PSPH: variants seen among roughly 807,000 people sequenced by gnomAD.
The protein encoded by PSPH is L-3-phosphoserine phosphatase.
PSPH carries 16 observed loss-of-function variants against 23.4 expected under a neutral mutation model. The observed-to-expected ratio is 0.68, with a 90% CI of 0.46 to 1.04. The LOEUF (loss-of-function observed/expected upper bound fraction) is 1.04, where lower values mean the gene tolerates loss of function less well. Among genes scored for constraint, PSPH ranks in the 50% least tolerant of loss-of-function variants. The pLI, the probability that PSPH is intolerant of heterozygous loss-of-function variation, is 0.00. For synonymous variants in PSPH, 68 were observed against 99.7 expected (o/e 0.68, Z 1.89); for missense variants, 223 against 273.7 (o/e 0.81, Z 1.31).
intron 1 of PSPH, among the ~76,000 whole-genome samples, chr7:56,048,601 G>A (rs1793558108): frequency 6.6e-6 from 1 of 152,070 alleles, no homozygotes. Flanking sequence ...GGATCTGTGG[G>A]TAGAGTATGG....
chr7:56,042,757 G>C (rs1024945540), intron 1 of PSPH, among the ~76,000 whole-genome samples: 1 of 152,114 alleles, frequency 6.6e-6, no homozygotes, highest in Non-Finnish European at 1.5e-5. Flanking sequence ...GCTGAGGCAG[G>C]AGGATCACTT....
intron 7 of PSPH, among the ~76,000 whole-genome samples, chr7:56,013,444 G>A (rs924833313): frequency 2.6e-5 from 4 of 152,018 alleles, no homozygotes; most frequent in African/African-American, 9.7e-5. Context: ...GCTTGGTCTG[G>A]GACGTTGAGG....
Position 56,023,732 on chromosome 7 carries a change from A to C in PSPH, c.-19-2501T>G, listed in dbSNP as rs115725511. Among the ~76,000 whole-genome samples, 1,223 of 152,178 alleles carry C rather than the reference A, an allele frequency of 8.0e-3. 16 individuals carry two copies. The highest frequency in any genetic ancestry group is 0.027 in the African/African-American group (1,111 of 41,530). Reference sequence around the variant, plus strand: ...GTTAAAAACAGACTCAAAGCAGTTGAACAACCCACTGCTCAACTGATTTCC... The same window carrying C: ...GTTAAAAACAGACTCAAAGCAGTTGCACAACCCACTGCTCAACTGATTTCC... On this transcript the variant is annotated intron_variant, in intron 3 of 7. Coordinates refer to ENST00000275605, the MANE Select transcript of PSPH (RefSeq NM_004577.4).
At chr7:56,020,972 T>C (rs1285332202) in intron 4 of PSPH, 101 bp downstream of exon 4, 25 of 1,373,060 alleles carry the variant, frequency 1.8e-5, no homozygotes, top group Non-Finnish European at 1.0e-6. Flanking sequence ...AGAAAAAGCC[T>C]AGTGCAAATG....
At chr7:56,042,077 C>G (rs2002651) in intron 1 of PSPH, among the ~76,000 whole-genome samples, 72,649 of 151,572 alleles carry the variant, frequency 0.48, 17,914 homozygotes, top group East Asian at 0.69. Flanking sequence ...ACAAAAATTA[C>G]CAGGGTGTGG....
chr7:56,017,019 G>T (rs1331256024), intron 6 of PSPH, among the ~76,000 whole-genome samples: 3 of 152,200 alleles, frequency 2.0e-5, no homozygotes, highest in Non-Finnish European at 4.4e-5. Flanking sequence ...GTACAGACAG[G>T]TGATGTTATA....
At chr7:56,019,823 C>A in intron 4 of PSPH, 89 bp from the exon 5 acceptor site, 1 of 1,558,796 alleles carries the variant, frequency 6.4e-7, no homozygotes, top group Non-Finnish European at 8.7e-7. Flanking sequence ...ACGACATCCA[C>A]CAAAAGGAAG....
chr7:56,014,714 C>T (rs1788353469), intron 7 of PSPH, among the ~76,000 whole-genome samples: 1 of 152,078 alleles, frequency 6.6e-6, no homozygotes, highest in Non-Finnish European at 1.5e-5. Context: ...GAGGCTGAAG[C>T]AGGCAGATCA....
At chr7:56,016,780 T>G (rs367729732) in intron 6 of PSPH, among the ~76,000 whole-genome samples, 45 of 152,174 alleles carry the variant, frequency 3.0e-4, no homozygotes, top group African/African-American at 1.0e-3. Context: ...TTCCACCATG[T>G]TGGCCAGGCT....
At position 56,021,231 on chromosome 7, in the gene PSPH, CCTA is replaced by C. The variant is rs778632227; in HGVS notation, c.-19-3_-19-1del. 1 of 1,613,224 alleles carries C rather than the reference CCTA, an allele frequency of 6.2e-7. No individual in the cohort carries two copies. The highest frequency in any genetic ancestry group is 8.5e-7 in the Non-Finnish European group (1 of 1,179,282). ...AGACCATCGCTGGAAGAATTTTCCT[CCTA>C]CAAGAAAAAAGATAAATGTATTTAA... On this transcript the variant is annotated splice_acceptor_variant and splice_polypyrimidine_tract_variant and intron_variant, in intron 3 of 7. Coordinates refer to ENST00000275605, the MANE Select transcript of PSPH (RefSeq NM_004577.4). LOFTEE classifies it low-confidence loss of function (5UTR_SPLICE).
At chr7:56,041,476 G>A (rs1792537016) in intron 1 of PSPH, among the ~76,000 whole-genome samples, 1 of 151,838 alleles carries the variant, frequency 6.6e-6, no homozygotes, top group African/African-American at 2.4e-5. Context: ...CTCCCGAAGT[G>A]CTGGGATTAC....
chr7:56,021,297 C>A, intron 3 of PSPH, 66 bp from the exon 4 acceptor site: 1 of 1,463,486 alleles, frequency 6.8e-7, no homozygotes, highest in Admixed American at 1.9e-5. Context: ...CCCACCTTGC[C>A]TACTAAGCCA....
chr7:56,039,774 C>CAAAA (rs67220264), intron 1 of PSPH, among the ~76,000 whole-genome samples: 5 of 64,992 alleles, frequency 7.7e-5, no homozygotes, highest in African/African-American at 3.2e-4. Context: ...GACTCTGTCT[C>CAAAA]AAAAAAAAAA....
At chr7:56,041,291 C>T (rs967682292) in intron 1 of PSPH, among the ~76,000 whole-genome samples, 11 of 150,130 alleles carry the variant, frequency 7.3e-5, no homozygotes, top group African/African-American at 2.7e-4. Flanking sequence ...CAGCTCACTG[C>T]AACCTCTGCC....
At chr7:56,035,026 C>T (rs945022072) in intron 1 of PSPH, among the ~76,000 whole-genome samples, 12 of 152,022 alleles carry the variant, frequency 7.9e-5, no homozygotes, top group Non-Finnish European at 1.6e-4. Flanking sequence ...TGTGAGATAC[C>T]GCGCCCGGCC....
intron 1 of PSPH, among the ~76,000 whole-genome samples, chr7:56,049,075 A>C (rs575537797): frequency 4.0e-5 from 6 of 151,222 alleles, no homozygotes; most frequent in Non-Finnish European, 7.4e-5. Flanking sequence ...ACCCGCCACC[A>C]TGCCCAGCTA....
chr7:56,028,957 C>T (rs892474432), intron 3 of PSPH, among the ~76,000 whole-genome samples: 2 of 151,964 alleles, frequency 1.3e-5, no homozygotes, highest in South Asian at 2.1e-4. Flanking sequence ...GAATTACAGG[C>T]GCCTGCCACC....
chr7:56,011,480 G>A lies in PSPH; in HGVS notation c.*282C>T, dbSNP rs1444001725. The A allele has an allele frequency of 8.7e-6, 2 of 229,008 alleles. No individual in the cohort carries two copies. The highest frequency in any genetic ancestry group is 2.4e-5 in the African/African-American group (1 of 42,230). The allele number at this position is 229,008 out of a possible 1,614,324, so 14.2% of individuals were successfully genotyped here. A position where few individuals can be genotyped will look rare whatever the true frequency, so the allele number is the denominator to read the frequency against. ...GGAGGCAGAGCTTGCAGTGAGCCGAGACCGCGCCACTGCACTCCAGCCTGG... is the reference window on the plus strand; with the variant it reads ...GGAGGCAGAGCTTGCAGTGAGCCGAAACCGCGCCACTGCACTCCAGCCTGG... On this transcript the variant is annotated 3_prime_UTR_variant, in exon 8 of 8. Transcript: ENST00000275605.
intron 3 of PSPH, among the ~76,000 whole-genome samples, chr7:56,023,922 T>A (rs1184005644): frequency 6.6e-6 from 1 of 150,406 alleles, no homozygotes; most frequent in African/African-American, 2.4e-5. Context: ...TTATTTTACT[T>A]TTTTTTTTTG....
Sources: allele counts gnomAD v4.1 joint callset (sites outside exome capture counted in the v4.1 genomes callset), GRCh38; gene constraint gnomAD v4.1.1; transcripts MANE v1.5; gene names NCBI Gene and HGNC (gene_info 2026-07-23, HGNC 2026-07-21).